The following LDB2 variants were observed in gnomAD, a reference collection of about 807,000 sequenced individuals.
LDB2 encodes LIM domain-binding protein 2.
A neutral mutation model predicts 44.3 loss-of-function variants in LDB2; 12 were observed. The observed-to-expected ratio is 0.27, with a 90% CI of 0.17 to 0.44. The LOEUF (loss-of-function observed/expected upper bound fraction) is 0.44, where lower values mean the gene tolerates loss of function less well. Among genes scored for constraint, LDB2 ranks in the 20% least tolerant of loss-of-function variants. LDB2 has a pLI of 1.00. For missense variants in LDB2, 344 were observed against 473.5 expected (o/e 0.73, Z 2.54); for synonymous variants, 164 against 174.8 (o/e 0.94, Z 0.49).
intron 2 of LDB2, among the ~76,000 whole-genome samples, chr4:16,635,059 C>G (rs1251974858): frequency 6.6e-6 from 1 of 152,256 alleles, no homozygotes; most frequent in Non-Finnish European, 1.5e-5. Flanking sequence ...CCAAACACCA[C>G]ATGTTCTCAC....
chr4:16,679,504 T>C (rs984700004), intron 2 of LDB2, among the ~76,000 whole-genome samples: 8 of 152,192 alleles, frequency 5.3e-5, no homozygotes, highest in Non-Finnish European at 1.0e-4. Context: ...TGGGTACTAC[T>C]GTTGTTACTC....
chr4:16,788,337 G>T (rs1007731754), intron 1 of LDB2, among the ~76,000 whole-genome samples: 8 of 152,176 alleles, frequency 5.3e-5, no homozygotes, highest in African/African-American at 1.7e-4. Context: ...GATGGGAAGG[G>T]GATGCCCTGT....
intron 1 of LDB2, among the ~76,000 whole-genome samples, chr4:16,766,174 C>T (rs2109293863): frequency 6.6e-6 from 1 of 152,044 alleles, no homozygotes; most frequent in East Asian, 1.9e-4. Context: ...TCTCTCAGAC[C>T]TCCATAAATA....
At chr4:16,593,767 A>T (rs2152436454) in intron 3 of LDB2, among the ~76,000 whole-genome samples, 1 of 152,338 alleles carries the variant, frequency 6.6e-6, no homozygotes, top group Admixed American at 6.5e-5. Context: ...TACCTGAACA[A>T]ATCACTCAAC....
chr4:16,726,941 ATG>A (rs942042748), intron 2 of LDB2, among the ~76,000 whole-genome samples: 30 of 152,234 alleles, frequency 2.0e-4, no homozygotes, highest in African/African-American at 7.2e-4. Flanking sequence ...TATGTACATT[ATG>A]TGTGTGTGTG....
chr4:16,628,727 C>T (rs1361734167), intron 2 of LDB2, among the ~76,000 whole-genome samples: 1 of 152,010 alleles, frequency 6.6e-6, no homozygotes. Context: ...AACTGAGGTA[C>T]CTGGTTCATC....
At chr4:16,679,082 G>A (rs1747112055) in intron 2 of LDB2, among the ~76,000 whole-genome samples, 1 of 152,152 alleles carries the variant, frequency 6.6e-6, no homozygotes, top group South Asian at 2.1e-4. Flanking sequence ...ATATGAAATT[G>A]TTTGTTATTA....
chr4:16,813,935 G>C (rs1257050677), intron 1 of LDB2, among the ~76,000 whole-genome samples: 2 of 150,820 alleles, frequency 1.3e-5, no homozygotes, highest in African/African-American at 4.9e-5. Flanking sequence ...GCAGTGGCGC[G>C]ATCTCGGCTC....
chr4:16,755,877 C>T (rs1219945941), intron 2 of LDB2, among the ~76,000 whole-genome samples: 2 of 152,118 alleles, frequency 1.3e-5, no homozygotes, highest in African/African-American at 4.8e-5. Flanking sequence ...CAATTTCTCA[C>T]ATAGTCTAAT....
intron 1 of LDB2, among the ~76,000 whole-genome samples, chr4:16,874,286 A>G (rs1212566420): frequency 6.6e-6 from 1 of 152,150 alleles, no homozygotes; most frequent in Admixed American, 6.5e-5. Flanking sequence ...TTAAAGTGAG[A>G]AAGAAGGTTA....
intron 1 of LDB2, among the ~76,000 whole-genome samples, chr4:16,801,916 T>A (rs539404156): frequency 3.9e-5 from 6 of 152,314 alleles, no homozygotes; most frequent in Non-Finnish European, 8.8e-5. Context: ...TAGTTATCAT[T>A]TGAAAACACC....
intron 2 of LDB2, among the ~76,000 whole-genome samples, chr4:16,615,840 A>C (rs1727146490): frequency 6.6e-6 from 1 of 152,164 alleles, no homozygotes. Flanking sequence ...GGAGTGGGCC[A>C]TGGGGTCAAG....
intron 2 of LDB2, among the ~76,000 whole-genome samples, chr4:16,618,239 T>A (rs890482071): frequency 6.6e-6 from 1 of 152,192 alleles, no homozygotes; most frequent in Non-Finnish European, 1.5e-5. Flanking sequence ...TGGACCGGGA[T>A]AAGCCTAGCG....
At chr4:16,601,734 T>A (rs899845778) in intron 2 of LDB2, among the ~76,000 whole-genome samples, 1 of 152,148 alleles carries the variant, frequency 6.6e-6, no homozygotes, top group African/African-American at 2.4e-5. Context: ...AAAATCCAAA[T>A]GGAAATTCTA....
chr4:16,577,702 C>T (rs1712323114), intron 5 of LDB2, among the ~76,000 whole-genome samples: 1 of 152,134 alleles, frequency 6.6e-6, no homozygotes, highest in African/African-American at 2.4e-5. Flanking sequence ...ACATTCTTCA[C>T]AAAAACACAG....
chr4:16,897,910 A>ATATATATATATATATATATACACATATG (rs1725603583), intron 1 of LDB2, among the ~76,000 whole-genome samples: 2 of 15,436 alleles, frequency 1.3e-4, no homozygotes, highest in Admixed American at 1.1e-3. Context: ...ATATATATAT[A>ATATATATATATATATATATACACATATG]TATATATATA....
rs145173625 is a variant in LDB2, at chr4:16,677,478, C to G, written c.236-81603G>C. On this transcript the variant is annotated intron_variant, in intron 2 of 7. Transcript: ENST00000304523. The stretch of plus-strand genomic sequence containing the variant: ...GAAAGGTGACCAGAGGTAGGTAACA[C>G]TCATCAGGCAGAAGAACTGGATTAC... Among the ~76,000 whole-genome samples the G allele has an allele frequency of 2.2e-3, 341 of 152,276 alleles. 2 individuals are homozygous for G. The highest frequency in any genetic ancestry group is 7.6e-3 in the African/African-American group (317 of 41,554).
intron 2 of LDB2, among the ~76,000 whole-genome samples, chr4:16,615,712 TCC>T (rs1423049481): frequency 6.6e-6 from 1 of 152,106 alleles, no homozygotes; most frequent in Non-Finnish European, 1.5e-5. Flanking sequence ...TGCACATGTA[TCC>T]CATTTTTTTG....
chr4:16,565,230 G>A (rs977542251), intron 5 of LDB2, among the ~76,000 whole-genome samples: 8 of 152,164 alleles, frequency 5.3e-5, no homozygotes, highest in Admixed American at 4.6e-4. Context: ...TAACTTTGGA[G>A]TGAGAACAGT....
Sources: allele counts gnomAD v4.1 joint callset (sites outside exome capture counted in the v4.1 genomes callset), GRCh38; gene constraint gnomAD v4.1.1; transcripts MANE v1.5; gene names NCBI Gene and HGNC (gene_info 2026-07-23, HGNC 2026-07-21).